HDAC4: variants seen among roughly 807,000 people sequenced by gnomAD.
HDAC4 encodes the protein histone deacetylase A.
In HDAC4, 16 loss-of-function variants were observed where a neutral mutation model predicts 135.1. The ratio of observed to expected loss-of-function variants is 0.12; its 90% CI spans 0.08 to 0.18. The LOEUF (loss-of-function observed/expected upper bound fraction) is 0.18, where lower values mean the gene tolerates loss of function less well. Ranked by LOEUF, HDAC4 falls within the 10% of genes least tolerant of loss-of-function variation. The pLI, the probability that HDAC4 is intolerant of heterozygous loss-of-function variation, is 1.00. For missense variants in HDAC4, 1,143 were observed against 1,511.8 expected (o/e 0.76, Z 4.05); for synonymous variants, 685 against 653.4 (o/e 1.05, Z -0.74).
At chr2:239,177,508 C>T (rs556399455) in intron 4 of HDAC4, among the ~76,000 whole-genome samples, 23 of 152,272 alleles carry the variant, frequency 1.5e-4, no homozygotes, top group East Asian at 9.7e-4. Context: ...GTGCCGAGGC[C>T]GGAGGAAACG....
At chr2:239,365,897 A>C (rs559437336) in intron 1 of HDAC4, among the ~76,000 whole-genome samples, 1 of 152,010 alleles carries the variant, frequency 6.6e-6, no homozygotes, top group East Asian at 1.9e-4. Context: ...ACACAGAGAC[A>C]TGCAGGCACA....
chr2:239,243,409 C>T (rs570500459), intron 2 of HDAC4, among the ~76,000 whole-genome samples: 33 of 152,310 alleles, frequency 2.2e-4, no homozygotes, highest in Non-Finnish European at 4.1e-4. Context: ...GCCTCGGCCT[C>T]CCAAAGTGCT....
At chr2:239,255,122 G>A (rs2048982135) in intron 2 of HDAC4, among the ~76,000 whole-genome samples, 1 of 152,168 alleles carries the variant, frequency 6.6e-6, no homozygotes, top group African/African-American at 2.4e-5. Flanking sequence ...ACTAACAAGG[G>A]ATTATGTCAG....
chr2:239,341,156 C>G (rs1019475061), intron 2 of HDAC4, among the ~76,000 whole-genome samples: 2 of 152,264 alleles, frequency 1.3e-5, no homozygotes, highest in Non-Finnish European at 2.9e-5. Flanking sequence ...TTTTTATCCA[C>G]TAGTACATCA....
At chr2:239,399,015 C>A (rs968698230) in intron 1 of HDAC4, among the ~76,000 whole-genome samples, 3 of 152,224 alleles carry the variant, frequency 2.0e-5, no homozygotes, top group Admixed American at 6.5e-5. Flanking sequence ...AGAAGTCTTA[C>A]AATGTGTTGG....
At chr2:239,341,265 G>A (rs771965763) in intron 2 of HDAC4, among the ~76,000 whole-genome samples, 12 of 152,256 alleles carry the variant, frequency 7.9e-5, no homozygotes, top group Admixed American at 2.6e-4. Flanking sequence ...GGCGAAGGCC[G>A]CCTTTGCTCC....
At chr2:239,230,368 C>CAAAAAAAAAAAAAAAAAAAAAAGAAAA (rs2047478073) in intron 3 of HDAC4, among the ~76,000 whole-genome samples, 1 of 79,394 alleles carries the variant, frequency 1.3e-5, no homozygotes, top group Non-Finnish European at 2.3e-5. Context: ...AGCAAGCAAG[C>CAAAAAAAAAAAAAAAAAAAAAAGAAAA]AAAAAAAAAA....
intron 16 of HDAC4, among the ~76,000 whole-genome samples, chr2:239,101,441 A>G (rs11884365): frequency 0.074 from 11,249 of 152,204 alleles, 1,407 homozygotes; most frequent in African/African-American, 0.26. Context: ...TCTGCCGGGC[A>G]CAGGCCTGGC....
intron 24 of HDAC4, among the ~76,000 whole-genome samples, chr2:239,064,344 C>T (rs574620341): frequency 2.3e-4 from 35 of 152,160 alleles, no homozygotes; most frequent in Non-Finnish European, 4.0e-4. Context: ...CTGCTGGGGG[C>T]GGGGGAGGGG....
chr2:239,108,199 G>T lies in HDAC4; in HGVS notation c.1979-16C>A. ...TACACGAGGCCTGGGGCGGGGCAGA[G>T]GGGCCAAGATCAGCGCACATCCAGG... is the stretch of plus-strand genomic sequence containing the variant. On this transcript the variant is annotated splice_polypyrimidine_tract_variant and intron_variant, in intron 14 of 26. Coordinates refer to ENST00000543185, the MANE Select transcript of HDAC4 (RefSeq NM_001378414.1). 6.3e-7 allele frequency: 1 copy of T among 1,590,434 alleles called. No homozygotes were observed. The highest frequency in any genetic ancestry group is 1.8e-5 in the Admixed American group (1 of 57,128).
intron 2 of HDAC4, among the ~76,000 whole-genome samples, chr2:239,248,475 C>T (rs1243946175): frequency 6.6e-6 from 1 of 152,142 alleles, no homozygotes; most frequent in South Asian, 2.1e-4. Flanking sequence ...CTGCAGAGCC[C>T]GGCCACCTCT....
At chr2:239,236,478 T>C in intron 3 of HDAC4, 115 bp downstream of exon 3, 2 of 807,816 alleles carry the variant, frequency 2.5e-6, no homozygotes, top group Non-Finnish European at 4.2e-6. Context: ...GTGAACCTGA[T>C]ACCCCACACC....
At chr2:239,187,506 G>A (rs142056989) in intron 4 of HDAC4, among the ~76,000 whole-genome samples, 86 of 152,328 alleles carry the variant, frequency 5.6e-4, no homozygotes, top group African/African-American at 1.4e-3. Context: ...TGACTCCCCC[G>A]GACCCGCGCC....
chr2:239,183,439 A>G (rs2044281866), intron 4 of HDAC4, among the ~76,000 whole-genome samples: 1 of 152,238 alleles, frequency 6.6e-6, no homozygotes, highest in Admixed American at 6.5e-5. Context: ...AATGGACGCC[A>G]CGGACGGTAA....
chr2:239,080,903 T>C lies in HDAC4; in HGVS notation c.2750+192A>G, dbSNP rs972396689. The C allele has an allele frequency of 1.7e-5, 10 of 591,518 alleles. 1 individual carries two copies. The highest frequency in any genetic ancestry group is 3.7e-5 in the African/African-American group (2 of 53,712). The allele number at this position is 591,518 out of a possible 1,614,324, so 36.6% of individuals were successfully genotyped here. On this transcript the variant is annotated intron_variant, in intron 22 of 26. Coordinates refer to ENST00000543185, the MANE Select transcript of HDAC4 (RefSeq NM_001378414.1). ...CACAAAAGGGAGCACTAAGAGCTGA[T>C]GGTAAGAAGATAGTCGCCAAGATTC...
chr2:239,235,752 C>G (rs2153177702), intron 3 of HDAC4, among the ~76,000 whole-genome samples: 1 of 152,296 alleles, frequency 6.6e-6, no homozygotes, highest in South Asian at 2.1e-4. Flanking sequence ...AAAATGTTAC[C>G]TATGGGGCTG....
chr2:239,062,654 T>C (rs2032929203), intron 24 of HDAC4, among the ~76,000 whole-genome samples: 1 of 152,234 alleles, frequency 6.6e-6, no homozygotes, highest in African/African-American at 2.4e-5. Context: ...TATACGTCAG[T>C]TGCCTTTTAA....
intron 2 of HDAC4, among the ~76,000 whole-genome samples, chr2:239,271,467 G>A (rs1349506550): frequency 1.3e-5 from 2 of 152,214 alleles, no homozygotes; most frequent in African/African-American, 2.4e-5. Flanking sequence ...AGTTTTCAGT[G>A]CTGTTGTGTT....
chr2:239,214,099 T>C (rs2046489723), intron 3 of HDAC4, among the ~76,000 whole-genome samples: 2 of 152,238 alleles, frequency 1.3e-5, no homozygotes, highest in South Asian at 4.1e-4. Flanking sequence ...CGTATGTTTA[T>C]TATCTTACAG....
Sources: allele counts gnomAD v4.1 joint callset (sites outside exome capture counted in the v4.1 genomes callset), GRCh38; gene constraint gnomAD v4.1.1; transcripts MANE v1.5; gene names NCBI Gene and HGNC (gene_info 2026-07-23, HGNC 2026-07-21).